Variants in HK1 observed in about 807,000 individuals in gnomAD.
HK1 encodes the protein hexokinase-1.
In HK1, 28 loss-of-function variants were observed where a neutral mutation model predicts 91.6. The ratio of observed to expected loss-of-function variants is 0.31; its 90% confidence interval spans 0.23 to 0.42. The LOEUF (loss-of-function observed/expected upper bound fraction) is 0.42. Among genes scored for constraint, HK1 ranks in the 10% least tolerant of loss-of-function variants. HK1 has a pLI of 1.00. For synonymous variants in HK1, 430 were observed against 468.1 expected, an observed-to-expected ratio of 0.92 and a Z score of 1.05; for missense variants, 770 against 1,219.8, an observed-to-expected ratio of 0.63 and a Z score of 5.49.
intron 5 of HK1, chr10:69,300,918 C>A: frequency 1.1e-6 from 1 of 914,438 alleles, no homozygotes; most frequent in Non-Finnish European, 1.8e-6. Flanking sequence ...TAAACAATTT[C>A]AGCAAGGTTA....
intron 16 of HK1, 64 bp from the exon 17 acceptor site, chr10:69,398,531 G>A (rs559313493): frequency 1.0e-5 from 13 of 1,263,094 alleles, no homozygotes; most frequent in South Asian, 5.0e-5. Flanking sequence ...TCCTTTGGAC[G>A]TGGTCTCCAG....
At chr10:69,340,391 A>G (rs924276524) in intron 1 of HK1, among the ~76,000 whole-genome samples, 1 of 152,156 alleles carries the variant, frequency 6.6e-6, no homozygotes, top group Non-Finnish European at 1.5e-5. Context: ...CTGGGATTAC[A>G]GGCATGCACC....
chr10:69,394,925 C>A (rs778233694), intron 15 of HK1, 25 bp from the exon 16 acceptor site: 3 of 1,613,636 alleles, frequency 1.9e-6, no homozygotes, highest in Non-Finnish European at 8.5e-7. Flanking sequence ...CCCATAGACA[C>A]CCCAGGCCCC....
chr10:69,313,107 G>A (rs1204255301), upstream of HK1, among the ~76,000 whole-genome samples: 1 of 152,196 alleles, frequency 6.6e-6, no homozygotes, highest in Non-Finnish European at 1.5e-5. Context: ...TAAGATTCAG[G>A]TACAAGACTT....
intron 1 of HK1, among the ~76,000 whole-genome samples, chr10:69,332,148 C>G (rs1457469552): frequency 1.3e-5 from 2 of 152,102 alleles, no homozygotes; most frequent in Non-Finnish European, 2.9e-5. Context: ...CTCATATTAT[C>G]TTCCTGTTGG....
chr10:69,390,662 G>C (rs936384398), intron 14 of HK1, among the ~76,000 whole-genome samples: 1 of 152,160 alleles, frequency 6.6e-6, no homozygotes, highest in Admixed American at 6.5e-5. Context: ...CTGGCCAGGG[G>C]GTGTGTCTTG....
Position 69,401,148 on chromosome 10 carries a change from C to A in HK1, c.*13C>A. 1.2e-6 allele frequency: 2 copies of A among 1,611,838 alleles called. No homozygotes were observed. The highest frequency in any genetic ancestry group is 2.2e-5 in the South Asian group (2 of 90,882). On this transcript the variant is annotated 3_prime_UTR_variant, in exon 18 of 18. Transcript: ENST00000359426. Reference sequence around the variant, plus strand: ...GGCAAGCAGCTAAGAGTCCGGGATCCCCAGCCTACTGCCTCTCCAGCACTT... The same window carrying A: ...GGCAAGCAGCTAAGAGTCCGGGATCACCAGCCTACTGCCTCTCCAGCACTT...
At position 69,369,152 on chromosome 10, in the gene HK1, G is replaced by T; in HGVS notation, c.592-85G>T. The T allele has an allele frequency of 1.0e-6, 1 of 981,328 alleles. No homozygotes were observed. The allele number at this position is 981,328 out of a possible 1,614,324, so 60.8% of individuals were successfully genotyped here. ...ACAAAAGCAGGGGTTCTGAAAACGGGAGCACTTCTGCCAAGCGCTGTTAAG... is the reference window on the plus strand; with the variant it reads ...ACAAAAGCAGGGGTTCTGAAAACGGTAGCACTTCTGCCAAGCGCTGTTAAG... On this transcript the variant is annotated intron_variant, in intron 5 of 17. Coordinates refer to ENST00000359426, the MANE Select transcript of HK1 (RefSeq NM_000188.3). The surrounding 1 kb of genome is among the most constrained non-coding windows in gnomAD (Gnocchi z 4.4).
intron 2 of HK1, among the ~76,000 whole-genome samples, chr10:69,354,708 GCTGTC>G: frequency 6.6e-6 from 1 of 152,296 alleles, no homozygotes; most frequent in African/African-American, 2.4e-5. Flanking sequence ...CATTTGCTGA[GCTGTC>G]CTGGGTGCCA....
chr10:69,361,612 G>T (rs1464848263), intron 3 of HK1, among the ~76,000 whole-genome samples: 1 of 152,178 alleles, frequency 6.6e-6, no homozygotes, highest in Admixed American at 6.5e-5. Flanking sequence ...TAGGAGCAAG[G>T]TTTGTTAATT....
intron 2 of HK1, among the ~76,000 whole-genome samples, chr10:69,344,984 C>T (rs1158774522): frequency 6.6e-6 from 1 of 151,938 alleles, no homozygotes. Flanking sequence ...CTTCCCTGCT[C>T]TCGAGGCTCT....
chr10:69,347,255 C>G (rs1408405257), intron 2 of HK1, among the ~76,000 whole-genome samples: 3 of 151,802 alleles, frequency 2.0e-5, no homozygotes, highest in African/African-American at 7.3e-5. Flanking sequence ...AGGTGATCCA[C>G]CCGCCTCGGC....
chr10:69,371,745 C>T (rs1435012552), intron 7 of HK1, among the ~76,000 whole-genome samples: 1 of 152,124 alleles, frequency 6.6e-6, no homozygotes, highest in East Asian at 1.9e-4. Flanking sequence ...TGAAATTTTC[C>T]AAAGAGATGA....
At chr10:69,390,622 G>A (rs1199740455) in intron 14 of HK1, among the ~76,000 whole-genome samples, 1 of 152,226 alleles carries the variant, frequency 6.6e-6, no homozygotes, top group Non-Finnish European at 1.5e-5. Flanking sequence ...TTTCTTCAAA[G>A]GGGATGAAAA....
intron 1 of HK1, among the ~76,000 whole-genome samples, chr10:69,336,432 C>G (rs919067666): frequency 2.6e-5 from 4 of 151,856 alleles, no homozygotes; most frequent in Admixed American, 2.6e-4. Context: ...CTCAGGTGAT[C>G]CACCAGCCTC....
upstream of HK1, among the ~76,000 whole-genome samples, chr10:69,311,673 G>A (rs147653667): frequency 3.0e-3 from 455 of 152,188 alleles, 1 homozygote; most frequent in Middle Eastern, 0.02. Flanking sequence ...GTCTTCCTCT[G>A]TTGCCCAGGC....
At chr10:69,373,021 T>C (rs1202319865) in intron 7 of HK1, among the ~76,000 whole-genome samples, 1 of 152,086 alleles carries the variant, frequency 6.6e-6, no homozygotes, top group Non-Finnish European at 1.5e-5. Context: ...AGGCGTCTGC[T>C]GCCACGCCCA....
At chr10:69,349,217 T>G (rs576650437) in intron 2 of HK1, among the ~76,000 whole-genome samples, 1 of 152,246 alleles carries the variant, frequency 6.6e-6, no homozygotes, top group African/African-American at 2.4e-5. Flanking sequence ...ACTGAATCGG[T>G]CTCTGGGTTT....
chr10:69,293,106 A>G (rs575153745), intron 3 of HK1, among the ~76,000 whole-genome samples: 31 of 152,148 alleles, frequency 2.0e-4, no homozygotes, highest in Non-Finnish European at 3.7e-4. Context: ...GTGTGACTTG[A>G]GCCCATTACC....
Sources: allele counts gnomAD v4.1 joint callset (sites outside exome capture counted in the v4.1 genomes callset), GRCh38; gene constraint gnomAD v4.1.1; non-coding constraint Gnocchi (gnomAD v3.1); transcripts MANE v1.5; gene names NCBI Gene and HGNC (gene_info 2026-07-23, HGNC 2026-07-21).